The following GPRASP3 variants were observed in gnomAD, a reference collection of about 807,000 sequenced individuals.
The protein encoded by GPRASP3 is G protein-coupled receptor associated sorting protein 3.
chrX:102,741,894 A>T, the GPRASP3 span, among the ~76,000 whole-genome samples: 1 of 112,288 alleles, frequency 8.9e-6, no homozygotes, highest in Non-Finnish European at 1.9e-5. Context: ...GACCTCTGTG[A>T]TTAGTAAAAT....
the GPRASP3 span, among the ~76,000 whole-genome samples, chrX:102,724,553 C>G: frequency 9.0e-6 from 1 of 111,097 alleles, no homozygotes; most frequent in Non-Finnish European, 1.9e-5. Context: ...CTTATCACAG[C>G]TCCCTTAGCC....
chrX:102,749,826 T>A, the GPRASP3 span: 1 of 1,209,230 alleles, frequency 8.3e-7, no homozygotes, highest in African/African-American at 1.7e-5. Context: ...GCTCACAGCC[T>A]ATCCCTGAGT....
chrX:102,728,930 C>G, the GPRASP3 span, among the ~76,000 whole-genome samples: 1 of 112,000 alleles, frequency 8.9e-6, no homozygotes, highest in Non-Finnish European at 1.9e-5. Flanking sequence ...ACCCCAAATT[C>G]TGAAGGCAAA....
At chrX:102,749,639 C>T in the GPRASP3 span, 10 of 1,209,977 alleles carry the variant, frequency 8.3e-6, no homozygotes, top group Non-Finnish European at 1.1e-5. Context: ...AAGGACTGGT[C>T]TGAGGTAACT....
At chrX:102,732,078 C>T in the GPRASP3 span, among the ~76,000 whole-genome samples, 1 of 111,990 alleles carries the variant, frequency 8.9e-6, no homozygotes, top group African/African-American at 3.2e-5. Context: ...AATTGCGGAA[C>T]CATCACCTGA....
At chrX:102,750,282 A>G in the GPRASP3 span, 16 of 1,205,725 alleles carry the variant, frequency 1.3e-5, no homozygotes, top group Middle Eastern at 2.3e-4. Context: ...TAAAGATACT[A>G]GGACAACTGA....
the GPRASP3 span, among the ~76,000 whole-genome samples, chrX:102,743,896 C>T: frequency 9.0e-6 from 1 of 111,196 alleles, no homozygotes. Flanking sequence ...ATCTTAGGTT[C>T]TACAATAGTG....
At chrX:102,738,919 A>G in the GPRASP3 span, among the ~76,000 whole-genome samples, 7 of 111,735 alleles carry the variant, frequency 6.3e-5, no homozygotes, top group East Asian at 2.8e-4. Context: ...GAGAGATGAG[A>G]TATCAATTAA....
At chrX:102,745,853 G>T in the GPRASP3 span, 1 of 111,260 alleles carries the variant, frequency 9.0e-6, no homozygotes. Context: ...GAGGCAGCCT[G>T]GTGCCAACCC....
chrX:102,727,357 T>G, the GPRASP3 span, among the ~76,000 whole-genome samples: 8 of 112,172 alleles, frequency 7.1e-5, no homozygotes, highest in African/African-American at 2.6e-4. Flanking sequence ...TGACTTTGTC[T>G]TATGAATGAG....
chrX:102,731,154 A>C, the GPRASP3 span, among the ~76,000 whole-genome samples: 1 of 112,948 alleles, frequency 8.9e-6, no homozygotes, highest in Admixed American at 9.3e-5. Context: ...TAAATACCAA[A>C]AAAGTCTACA....
At chrX:102,735,427 C>T in the GPRASP3 span, among the ~76,000 whole-genome samples, 4 of 92,297 alleles carry the variant, frequency 4.3e-5, no homozygotes, top group Non-Finnish European at 8.3e-5. Context: ...TTTTTTGAGA[C>T]GACGTCTTGC....
At chrX:102,741,435 T>C in the GPRASP3 span, among the ~76,000 whole-genome samples, 1 of 111,991 alleles carries the variant, frequency 8.9e-6, no homozygotes, top group Admixed American at 9.4e-5. Flanking sequence ...TCTTTCCTTT[T>C]CCAGTGGAGT....
the GPRASP3 span, among the ~76,000 whole-genome samples, chrX:102,731,447 C>T: frequency 2.1e-4 from 23 of 110,892 alleles, no homozygotes; most frequent in African/African-American, 7.2e-4. Flanking sequence ...CATGGTGAAA[C>T]CCTGTCTCTA....
At chrX:102,748,807 G>A in the GPRASP3 span, 2 of 421,034 alleles carry the variant, frequency 4.8e-6, no homozygotes, top group Non-Finnish European at 8.1e-6. Context: ...GCGTGCCTCT[G>A]CCCTCTGTAT....
the GPRASP3 span, among the ~76,000 whole-genome samples, chrX:102,724,275 A>C: frequency 9.0e-6 from 1 of 111,105 alleles, no homozygotes; most frequent in Admixed American, 9.6e-5. Context: ...TGATATCAGA[A>C]CAATAGTGTA....
At chrX:102,744,868 G>A in the GPRASP3 span, among the ~76,000 whole-genome samples, 2 of 111,424 alleles carry the variant, frequency 1.8e-5, no homozygotes, top group Non-Finnish European at 3.8e-5. Flanking sequence ...TTCAACCCTT[G>A]ACTGACTATA....
the GPRASP3 span, chrX:102,751,127 T>G: frequency 4.2e-4 from 52 of 124,544 alleles, 1 homozygote; most frequent in Non-Finnish European, 8.5e-4. Context: ...GAGAAACTAT[T>G]TTTCTCCTGT....
chrX:102,735,208 AATCT>A, the GPRASP3 span, among the ~76,000 whole-genome samples: 1 of 111,685 alleles, frequency 9.0e-6, no homozygotes, highest in Non-Finnish European at 1.9e-5. Flanking sequence ...GTTATAGACA[AATCT>A]ATCTAATTTT....
Sources: gnomAD v4.1 joint callset for allele counts (sites outside exome capture counted in the v4.1 genomes callset) on GRCh38, gnomAD v4.1.1 for gene constraint, MANE v1.5 for transcripts, NCBI Gene and HGNC (gene_info 2026-07-23, HGNC 2026-07-21) for gene names.